Variants in ATG5 observed in about 807,000 individuals in gnomAD.
ATG5 encodes autophagy related 5.
Under a neutral mutation model 36.5 loss-of-function variants are expected in ATG5, and 14 were observed. The observed-to-expected ratio is 0.38, with a 90% CI of 0.25 to 0.60. The LOEUF (loss-of-function observed/expected upper bound fraction) is 0.60. Ranked by LOEUF, ATG5 falls within the 20% of genes least tolerant of loss-of-function variation. The pLI, the probability that ATG5 is intolerant of heterozygous loss-of-function variation, is 0.60. For missense variants in ATG5, 195 were observed against 326.7 expected, an observed-to-expected ratio of 0.60 and a Z score of 3.11; for synonymous variants, 95 against 101.5, an observed-to-expected ratio of 0.94 and a Z score of 0.38.
intron 6 of ATG5, among the ~76,000 whole-genome samples, chr6:106,243,681 A>C (rs990810281): frequency 2.0e-5 from 3 of 151,940 alleles, no homozygotes; most frequent in Non-Finnish European, 4.4e-5. Context: ...AAATACAAAA[A>C]TTAGCCAGGC....
intron 6 of ATG5, among the ~76,000 whole-genome samples, chr6:106,215,658 T>A (rs1301251371): frequency 1.3e-5 from 2 of 151,728 alleles, no homozygotes; most frequent in African/African-American, 4.8e-5. Flanking sequence ...TAAAATTCTT[T>A]AAAAAAAATA....
intron 5 of ATG5, among the ~76,000 whole-genome samples, chr6:106,253,026 G>A (rs1350508070): frequency 1.3e-5 from 2 of 152,164 alleles, no homozygotes; most frequent in Non-Finnish European, 2.9e-5. Flanking sequence ...TAATTGTATT[G>A]TTTTAATCAG....
intron 4 of ATG5, among the ~76,000 whole-genome samples, chr6:106,282,451 C>A (rs1471114352): frequency 6.6e-6 from 1 of 152,088 alleles, no homozygotes; most frequent in Non-Finnish European, 1.5e-5. Context: ...ACCCTTTGCC[C>A]CAGAAGTAAC....
chr6:106,187,482 A>T (rs962291321), intron 7 of ATG5, among the ~76,000 whole-genome samples: 1 of 152,140 alleles, frequency 6.6e-6, no homozygotes, highest in Non-Finnish European at 1.5e-5. Flanking sequence ...AAGCAAAGCC[A>T]AACTCCTCTA....
chr6:106,197,316 T>C (rs1562205028), intron 7 of ATG5, among the ~76,000 whole-genome samples: 1 of 152,156 alleles, frequency 6.6e-6, no homozygotes, highest in African/African-American at 2.4e-5. Context: ...GAGTGAGAAA[T>C]GTAAGACCAG....
intron 5 of ATG5, among the ~76,000 whole-genome samples, chr6:106,269,709 C>T (rs1047334430): frequency 2.0e-5 from 3 of 152,342 alleles, no homozygotes; most frequent in South Asian, 2.1e-4. Context: ...GTGCGGGGTC[C>T]GCCAAGCCCA....
chr6:106,281,857 T>G (rs1779892779), intron 4 of ATG5, among the ~76,000 whole-genome samples: 1 of 152,360 alleles, frequency 6.6e-6, no homozygotes, highest in Non-Finnish European at 1.5e-5. Context: ...CTTTTTCATT[T>G]TAGTCATTCT....
At chr6:106,268,738 A>G (rs1247064489) in intron 5 of ATG5, among the ~76,000 whole-genome samples, 1 of 152,172 alleles carries the variant, frequency 6.6e-6, no homozygotes, top group Admixed American at 6.5e-5. Context: ...GACATGAATG[A>G]AGCTAGAAGC....
At chr6:106,217,978 C>T (rs956705470) in intron 6 of ATG5, among the ~76,000 whole-genome samples, 2 of 152,112 alleles carry the variant, frequency 1.3e-5, no homozygotes, top group African/African-American at 2.4e-5. Context: ...TAATATATAG[C>T]AGGCTTAACT....
At chr6:106,267,478 CA>C (rs1198292303) in intron 5 of ATG5, among the ~76,000 whole-genome samples, 16 of 151,936 alleles carry the variant, frequency 1.1e-4, no homozygotes, top group Admixed American at 9.8e-4. Context: ...TGCAGAATTA[CA>C]AAAAAACTAC....
chr6:106,258,476 C>A (rs1200705466), intron 5 of ATG5, among the ~76,000 whole-genome samples: 1 of 152,080 alleles, frequency 6.6e-6, no homozygotes. Context: ...CCAGTGATGA[C>A]TTTTATCAAT....
chr6:106,259,419 CA>C (rs1357407020), intron 5 of ATG5, among the ~76,000 whole-genome samples: 1 of 152,152 alleles, frequency 6.6e-6, no homozygotes, highest in Non-Finnish European at 1.5e-5. Flanking sequence ...CAGTGTTTCT[CA>C]AATTTTTTCA....
At chr6:106,302,696 T>A (rs796799428) in intron 3 of ATG5, among the ~76,000 whole-genome samples, 27 of 152,060 alleles carry the variant, frequency 1.8e-4, no homozygotes, top group African/African-American at 6.5e-4. Flanking sequence ...GTGAGCTCTT[T>A]TTTTACTACA....
chr6:106,277,535 C>T (rs1779706435), intron 5 of ATG5, among the ~76,000 whole-genome samples: 1 of 152,260 alleles, frequency 6.6e-6, no homozygotes. Context: ...ACACTAGAGG[C>T]TGAGCATGGT....
chr6:106,209,114 T>C (rs1026338410), intron 6 of ATG5, among the ~76,000 whole-genome samples: 3 of 151,994 alleles, frequency 2.0e-5, no homozygotes, highest in African/African-American at 7.3e-5. Context: ...AGGAAAGGAG[T>C]ATGGCAGTTT....
intron 6 of ATG5, among the ~76,000 whole-genome samples, chr6:106,225,831 T>G (rs1010371805): frequency 6.6e-6 from 1 of 152,172 alleles, no homozygotes; most frequent in African/African-American, 2.4e-5. Flanking sequence ...TGGCAATTGT[T>G]AAACATCACA....
At chr6:106,265,822 GAATCTCTGAGA>G (rs1410121042) in intron 5 of ATG5, among the ~76,000 whole-genome samples, 1 of 152,158 alleles carries the variant, frequency 6.6e-6, no homozygotes, top group African/African-American at 2.4e-5. Context: ...CAACGTACCA[GAATCTCTGAGA>G]CACAGCTAAA....
At chr6:106,189,555 A>C (rs1245304934) in intron 7 of ATG5, among the ~76,000 whole-genome samples, 3 of 152,086 alleles carry the variant, frequency 2.0e-5, no homozygotes, top group Non-Finnish European at 4.4e-5. Flanking sequence ...CAGGAGGTCA[A>C]GGCTACAGTG....
chr6:106,246,532 A>G (rs1012637643), intron 6 of ATG5, among the ~76,000 whole-genome samples: 6 of 152,162 alleles, frequency 3.9e-5, no homozygotes, highest in Admixed American at 2.6e-4. Context: ...AATAAATTCA[A>G]AAAGGAAAAC....
Sources: gnomAD v4.1 joint callset for allele counts (sites outside exome capture counted in the v4.1 genomes callset) on GRCh38, gnomAD v4.1.1 for gene constraint, MANE v1.5 for transcripts, NCBI Gene and HGNC (gene_info 2026-07-23, HGNC 2026-07-21) for gene names.